FBN3: variants seen among roughly 807,000 people sequenced by gnomAD.
The protein encoded by FBN3 is fibrillin-3.
In FBN3, 234 loss-of-function variants were observed where a neutral mutation model predicts 330.1. The observed-to-expected ratio is 0.71, with a 90% CI of 0.64 to 0.79. FBN3 has a LOEUF of 0.79. Ranked by LOEUF, FBN3 falls within the 30% of genes least tolerant of loss-of-function variation. The pLI is 0.00. For synonymous variants in FBN3, 1,458 were observed against 1,517.3 expected, an observed-to-expected ratio of 0.96 and a Z score of 0.91; for missense variants, 3,606 against 3,886.9, an observed-to-expected ratio of 0.93 and a Z score of 1.92.
Position 8,096,871 on chromosome 19 carries a change from C to A in FBN3, c.5413+10G>T. The stretch of plus-strand genomic sequence containing the variant: ...CAGCTCCCTCACCTCCTCCCAGGGA[C>A]CCTGCTCACCCACACAAGCCCCGCC... On this transcript the variant is annotated intron_variant, in intron 43 of 63. Coordinates refer to ENST00000600128, the MANE Select transcript of FBN3 (RefSeq NM_032447.5). This position sits in a 1 kb window ranked among gnomAD's most constrained non-coding sequence, Gnocchi z 4.6. The A allele has an allele frequency of 1.2e-6, 2 of 1,612,098 alleles. No homozygotes were observed. The highest frequency in any genetic ancestry group is 1.7e-6 in the Non-Finnish European group (2 of 1,179,804).
chr19:8,143,539 C>G (rs1327827008), intron 6 of FBN3, among the ~76,000 whole-genome samples: 1 of 141,560 alleles, frequency 7.1e-6, no homozygotes, highest in Admixed American at 7.5e-5. Context: ...CTCTGTCTTC[C>G]AGGCTGGAGT....
intron 2 of FBN3, 56 bp from the exon 3 acceptor site, chr19:8,147,242 G>T: frequency 6.4e-7 from 1 of 1,558,184 alleles, no homozygotes; most frequent in South Asian, 1.2e-5. Context: ...ACATCCCCCC[G>T]GGTATTCCGC....
Position 8,110,946 on chromosome 19 carries a change from C to T in FBN3, c.4232G>A (p.Gly1411Glu). 1 of 1,614,254 alleles carries T rather than the reference C, an allele frequency of 6.2e-7. No individual in the cohort carries two copies. The change falls in exon 34 of 64, where the codon GGG becomes GAG. Residue 1411 changes from glycine to glutamate, a missense_variant. Transcript: ENST00000600128. ...ACAGCTCCCAAATGCACAGAGGTTC[C>T]CTTGCGCACACTCGTCCACATCTGC... ...ACQDVDECAQ[G>E]NLCAFGSCEN...
chr19:8,145,652 G>C (rs1433376838), intron 5 of FBN3, among the ~76,000 whole-genome samples, 191 bp downstream of exon 5: 2 of 138,680 alleles, frequency 1.4e-5, no homozygotes, highest in Admixed American at 7.7e-5. Context: ...CTGCACTCCA[G>C]CCTGAGTGAC....
At chr19:8,139,538 C>T (rs569019451) in intron 8 of FBN3, among the ~76,000 whole-genome samples, 24 of 151,944 alleles carry the variant, frequency 1.6e-4, no homozygotes, top group Admixed American at 5.3e-4. Flanking sequence ...GGCAGGGACA[C>T]GGAGATCTGC....
At position 8,087,918 on chromosome 19, in the gene FBN3, G is replaced by A. The variant is rs768399072; in HGVS notation, c.6526C>T (p.Leu2176Phe). 1.9e-6 allele frequency: 3 copies of A among 1,614,160 alleles called. No homozygotes were observed. The highest frequency in any genetic ancestry group is 1.1e-5 in the South Asian group (1 of 91,080). Residue 2176 changes from leucine (L) to phenylalanine (F), a missense_variant, in exon 53 of 64, where the codon CTC (leucine) becomes TTC (phenylalanine). Transcript: ENST00000600128. ...DIDECSLNPL[L>F]CAFRCHNTEG... The stretch of plus-strand genomic sequence containing the variant: ...GTATTGTGGCAGCGGAAGGCACAGA[G>A]CAGCGGGTTCAGGGAGCATTCGTCG...
At chr19:8,093,467 CA>C (rs954578874) in intron 47 of FBN3, among the ~76,000 whole-genome samples, 18 of 151,542 alleles carry the variant, frequency 1.2e-4, no homozygotes, top group African/African-American at 4.4e-4. Context: ...ACTAAAAATA[CA>C]AAAAAATAGC....
At chr19:8,117,711 C>T (rs1227106012) in intron 26 of FBN3, 122 bp from the exon 27 acceptor site, 6 of 1,119,490 alleles carry the variant, frequency 5.4e-6, no homozygotes, top group East Asian at 2.6e-5. Context: ...GGCACAGCCC[C>T]GCATGTGCCT....
chr19:8,120,811 A>G (rs900075998), intron 25 of FBN3, among the ~76,000 whole-genome samples: 9 of 152,224 alleles, frequency 5.9e-5, no homozygotes, highest in Admixed American at 5.2e-4. Flanking sequence ...CATGTTATTC[A>G]TGTCTGTCTT....
At chr19:8,069,360 C>T (rs2081462534) in intron 63 of FBN3, among the ~76,000 whole-genome samples, 1 of 152,214 alleles carries the variant, frequency 6.6e-6, no homozygotes, top group Non-Finnish European at 1.5e-5. Flanking sequence ...TCCAACCCCA[C>T]AGAAAGTCAT....
chr19:8,111,011 G>C (rs2144823157), intron 33 of FBN3, 44 bp from the exon 34 acceptor site: 1 of 1,614,056 alleles, frequency 6.2e-7, no homozygotes. Flanking sequence ...GAGTCTGCAG[G>C]GGGGACCTAC....
At chr19:8,069,761 C>T (rs901489707) in intron 63 of FBN3, among the ~76,000 whole-genome samples, 1 of 152,160 alleles carries the variant, frequency 6.6e-6, no homozygotes, top group Non-Finnish European at 1.5e-5. Flanking sequence ...AATATTTTTA[C>T]TTTTTGTAGG....
chr19:8,093,825 G>T (rs1183772803), intron 47 of FBN3, among the ~76,000 whole-genome samples: 2 of 152,126 alleles, frequency 1.3e-5, no homozygotes, highest in African/African-American at 2.4e-5. Flanking sequence ...GATCAGAAGA[G>T]CCCAGGCCAG....
intron 32 of FBN3, 33 bp from the exon 33 acceptor site, chr19:8,111,216 C>A: frequency 1.3e-6 from 2 of 1,562,440 alleles, no homozygotes; most frequent in Non-Finnish European, 8.7e-7. Context: ...GGGCTGGAGG[C>A]CGGTGGACCA....
chr19:8,148,860 C>G (rs1293976072), intron 1 of FBN3: 2 of 152,334 alleles, frequency 1.3e-5, no homozygotes, highest in East Asian at 3.9e-4. Flanking sequence ...AGTCCGCACT[C>G]TGAGGCTCCG....
intron 48 of FBN3, 143 bp downstream of exon 48, chr19:8,091,322 A>T: frequency 8.9e-7 from 1 of 1,124,242 alleles, no homozygotes; most frequent in Non-Finnish European, 1.3e-6. Context: ...GCACTAGGAT[A>T]ACTCTGCTAA....
intron 6 of FBN3, among the ~76,000 whole-genome samples, chr19:8,143,612 C>A (rs2083465061): frequency 6.6e-6 from 1 of 151,020 alleles, no homozygotes; most frequent in Non-Finnish European, 1.5e-5. Flanking sequence ...CTCAGCCTTC[C>A]AAGTAGCTGG....
Position 8,096,000 on chromosome 19 carries a change from G to T in FBN3, c.5620C>A (p.Pro1874Thr). ...CCATTGTGTGTCACCACAAAGCCAG[G>T]GAAGCAGAGGCAGTTGTAGGAGCCA... ...IIGSYNCLCF[P>T]GFVVTHNGDC... The change falls in exon 45 of 64, where the codon CCT (proline) becomes ACT (threonine). Residue 1874 changes from proline (P) to threonine (T), a missense_variant. By Grantham distance (38) the Pro-to-Thr change is conservative. Coordinates refer to ENST00000600128, the MANE Select transcript of FBN3 (RefSeq NM_032447.5). The T allele has an allele frequency of 7.4e-6, 12 of 1,613,956 alleles. No individual in the cohort carries two copies. Among genetic ancestry groups the T allele is most frequent in the Non-Finnish European group, 1.0e-5 (12 of 1,179,876 alleles).
chr19:8,081,420 C>A lies in FBN3; in HGVS notation c.7274G>T (p.Gly2425Val), dbSNP rs757701578. ...PCTFLCKNTKGSFLCSCPRGY... is the reference protein window; with the variant it reads ...PCTFLCKNTKVSFLCSCPRGY... The stretch of plus-strand genomic sequence containing the variant: ...TCGGGGACAGCTGCACAGGAAACTG[C>A]CCTTCGTGTTTTTGCAGAGGAAGGT... The change falls in exon 58 of 64, where the codon GGC becomes GTC. Residue 2425 changes from glycine to valine, a missense_variant. By Grantham distance (109) the Gly-to-Val change is moderately radical. Transcript: ENST00000600128. 6.2e-7 allele frequency: 1 copy of A among 1,612,576 alleles called. No individual in the cohort carries two copies. Among genetic ancestry groups the A allele is most frequent in the Non-Finnish European group, 8.5e-7 (1 of 1,179,314 alleles).
Sources: gnomAD v4.1 joint callset for allele counts (sites outside exome capture counted in the v4.1 genomes callset) on GRCh38, gnomAD v4.1.1 for gene constraint, Gnocchi (gnomAD v3.1) non-coding constraint, MANE v1.5 for transcripts, NCBI Gene and HGNC (gene_info 2026-07-23, HGNC 2026-07-21) for gene names.